MKLN1: variants seen among roughly 807,000 people sequenced by gnomAD.
The protein encoded by MKLN1 is muskelin 1, also known as muskelin.
Under a neutral mutation model 99.0 loss-of-function variants are expected in MKLN1, and 18 were observed. The ratio of observed to expected loss-of-function variants is 0.18; its 90% CI spans 0.13 to 0.27. MKLN1 has a LOEUF of 0.27. MKLN1 is among the 10% of genes least tolerant of loss of function. MKLN1 has a pLI of 1.00. For missense variants in MKLN1, 621 were observed against 875.9 expected, an observed-to-expected ratio of 0.71 and a Z score of 3.67; for synonymous variants, 288 against 293.2, an observed-to-expected ratio of 0.98 and a Z score of 0.18.
At chr7:131,372,606 A>C (rs1478699869) in intron 1 of MKLN1, among the ~76,000 whole-genome samples, 1 of 152,000 alleles carries the variant, frequency 6.6e-6, no homozygotes, top group East Asian at 1.9e-4. Flanking sequence ...ATACATAATA[A>C]TTTACATGGT....
At chr7:131,373,121 C>T (rs1020088457) in intron 1 of MKLN1, among the ~76,000 whole-genome samples, 8 of 151,838 alleles carry the variant, frequency 5.3e-5, no homozygotes, top group African/African-American at 1.5e-4. Flanking sequence ...AAATTTTTCT[C>T]CTGAAAAGTT....
chr7:131,220,432 G>A (rs1258415220), intron 3 of MKLN1, among the ~76,000 whole-genome samples: 1 of 122,042 alleles, frequency 8.2e-6, no homozygotes, highest in East Asian at 4.5e-4. Flanking sequence ...AACCGTAATA[G>A]GTTCATTGCC....
intron 3 of MKLN1, among the ~76,000 whole-genome samples, chr7:131,321,233 G>A: frequency 7.2e-6 from 1 of 138,448 alleles, no homozygotes; most frequent in East Asian, 2.2e-4. Flanking sequence ...TAAACACCAT[G>A]GAATACTATG....
chr7:131,444,009 C>A (rs1477283514), intron 11 of MKLN1, among the ~76,000 whole-genome samples: 1 of 152,124 alleles, frequency 6.6e-6, no homozygotes, highest in East Asian at 1.9e-4. Context: ...ATTAGAAGGA[C>A]AATTTCTTAC....
At chr7:131,362,831 C>T (rs1397228231) in intron 1 of MKLN1, among the ~76,000 whole-genome samples, 1 of 151,534 alleles carries the variant, frequency 6.6e-6, no homozygotes, top group Non-Finnish European at 1.5e-5. Context: ...AAAATTTAGT[C>T]CTTGTTTCTG....
chr7:131,323,008 A>G (rs1346042001), upstream of MKLN1, among the ~76,000 whole-genome samples: 1 of 152,178 alleles, frequency 6.6e-6, no homozygotes, highest in East Asian at 1.9e-4. Context: ...ACAATTCGAG[A>G]TGACATTTTG....
intron 1 of MKLN1, among the ~76,000 whole-genome samples, chr7:131,354,531 C>T (rs1292852607): frequency 2.0e-5 from 3 of 151,122 alleles, no homozygotes; most frequent in African/African-American, 7.3e-5. Flanking sequence ...GGGCGTAAAT[C>T]TTGTGGGATT....
intron 3 of MKLN1, among the ~76,000 whole-genome samples, chr7:131,264,156 A>G (rs1215128072): frequency 6.6e-6 from 1 of 152,160 alleles, no homozygotes; most frequent in African/African-American, 2.4e-5. Context: ...GAATTTAGCC[A>G]TAGACAAATA....
At chr7:131,158,557 G>T (rs1366854328) in intron 2 of MKLN1, among the ~76,000 whole-genome samples, 1 of 152,150 alleles carries the variant, frequency 6.6e-6, no homozygotes. Flanking sequence ...AAGTCTAAAG[G>T]TGACCCGCAG....
At chr7:131,180,507 T>C (rs925430291) in intron 2 of MKLN1, among the ~76,000 whole-genome samples, 1 of 152,136 alleles carries the variant, frequency 6.6e-6, no homozygotes, top group African/African-American at 2.4e-5. Flanking sequence ...GAGACCAGCA[T>C]GGCCAACATG....
At chr7:131,225,604 A>C (rs769191134) in intron 3 of MKLN1, among the ~76,000 whole-genome samples, 7 of 152,120 alleles carry the variant, frequency 4.6e-5, no homozygotes, top group Non-Finnish European at 1.0e-4. Flanking sequence ...TGTCCTTAGG[A>C]TTCAGCAAAT....
chr7:131,356,832 C>T (rs532739440), intron 1 of MKLN1, among the ~76,000 whole-genome samples: 2 of 152,254 alleles, frequency 1.3e-5, no homozygotes, highest in East Asian at 1.9e-4. Flanking sequence ...CCGTATGGGT[C>T]TGCCACAACT....
rs1181697345 is a variant in MKLN1 at position 131,495,979 on chromosome 7, A to G, written c.*8251A>G. 1 of 152,210 alleles carries G rather than the reference A, an allele frequency of 6.6e-6. No individual in the cohort carries two copies. The highest frequency in any genetic ancestry group is 1.5e-5 in the Non-Finnish European group (1 of 68,040). The allele number at this position is 152,210 out of a possible 1,614,324, so 9.4% of individuals were successfully genotyped here. On this transcript the variant is annotated 3_prime_UTR_variant, in exon 18 of 18. Transcript: ENST00000352689. Reference sequence around the variant, plus strand: ...ACTCAAAAAGGATGAGCTATTGTCAAAAGCCAAAAGAAAAACAGACAAAAT... The same window carrying G: ...ACTCAAAAAGGATGAGCTATTGTCAGAAGCCAAAAGAAAAACAGACAAAAT...
intron 12 of MKLN1, among the ~76,000 whole-genome samples, chr7:131,454,504 A>G (rs1240176156): frequency 3.3e-5 from 5 of 152,234 alleles, no homozygotes; most frequent in Non-Finnish European, 7.3e-5. Flanking sequence ...AACATTTAAA[A>G]TGTCCCAACT....
chr7:131,147,702 C>T (rs1362999091), intron 2 of MKLN1, among the ~76,000 whole-genome samples: 1 of 152,164 alleles, frequency 6.6e-6, no homozygotes, highest in East Asian at 1.9e-4. Flanking sequence ...AGGATTTCCA[C>T]CCACACAGTC....
intron 16 of MKLN1, among the ~76,000 whole-genome samples, chr7:131,476,979 G>A (rs1796985198): frequency 6.6e-6 from 1 of 152,102 alleles, no homozygotes; most frequent in Non-Finnish European, 1.5e-5. Context: ...GTCCAACGGG[G>A]AAAAGAAAGT....
chr7:131,114,631 A>G (rs1795247045), intron 1 of MKLN1, among the ~76,000 whole-genome samples: 1 of 152,192 alleles, frequency 6.6e-6, no homozygotes. Flanking sequence ...GCAGTATTAA[A>G]TGCCAGCTAG....
intron 4 of MKLN1, among the ~76,000 whole-genome samples, chr7:131,392,927 AG>A (rs1563326144): frequency 1.3e-5 from 2 of 149,550 alleles, no homozygotes; most frequent in Non-Finnish European, 1.5e-5. Context: ...TTTTTTTAAG[AG>A]GCAGAGTCTT....
At chr7:131,141,119 G>A (rs1274282472) in intron 1 of MKLN1, among the ~76,000 whole-genome samples, 7 of 151,996 alleles carry the variant, frequency 4.6e-5, no homozygotes, top group African/African-American at 1.7e-4. Context: ...GTGTTATTCT[G>A]TCTTCTCTCT....
Sources: gnomAD v4.1 joint callset for allele counts (sites outside exome capture counted in the v4.1 genomes callset) on GRCh38, gnomAD v4.1.1 for gene constraint, MANE v1.5 for transcripts, NCBI Gene and HGNC (gene_info 2026-07-23, HGNC 2026-07-21) for gene names.